Variants in CLEC2D observed in about 807,000 individuals in gnomAD.
CLEC2D encodes C-type lectin related f.
Under a neutral mutation model 20.0 loss-of-function variants are expected in CLEC2D, and 16 were observed. The observed-to-expected ratio is 0.80, with a 90% CI of 0.54 to 1.22. The LOEUF is 1.22. CLEC2D is among the 50% of genes most tolerant of loss of function. The pLI is 0.00. For missense variants in CLEC2D, 207 were observed against 221.5 expected, an observed-to-expected ratio of 0.93 and a Z score of 0.42; for synonymous variants, 77 against 71.1, an observed-to-expected ratio of 1.08 and a Z score of -0.42.
intron 1 of CLEC2D, among the ~76,000 whole-genome samples, chr12:9,671,910 A>G (rs997821266): frequency 5.3e-5 from 8 of 151,960 alleles, no homozygotes; most frequent in African/African-American, 2.4e-5. Context: ...TTTAAAGACC[A>G]TATTTTTAGA....
intron 1 of CLEC2D, among the ~76,000 whole-genome samples, chr12:9,677,610 T>C (rs747271138): frequency 1.3e-5 from 2 of 152,044 alleles, no homozygotes; most frequent in South Asian, 2.1e-4. Flanking sequence ...CAAAGTAGTC[T>C]ATAGATGTCA....
chr12:9,674,788 T>C (rs1865489721), intron 1 of CLEC2D, among the ~76,000 whole-genome samples: 1 of 152,258 alleles, frequency 6.6e-6, no homozygotes. Context: ...TTATGTCTTT[T>C]GCAGGTTGAA....
intron 1 of CLEC2D, among the ~76,000 whole-genome samples, chr12:9,677,748 A>C (rs1159161856): frequency 7.1e-6 from 1 of 141,364 alleles, no homozygotes; most frequent in Non-Finnish European, 1.5e-5. Context: ...TTTTTGAGAC[A>C]GAGTCTCGCT....
chr12:9,683,866 G>T (rs1384893965), intron 2 of CLEC2D, among the ~76,000 whole-genome samples: 2 of 148,898 alleles, frequency 1.3e-5, no homozygotes, highest in African/African-American at 4.9e-5. Flanking sequence ...GCTCTTTTTT[G>T]GTTCCATATG....
chr12:9,697,673 C>G lies in CLEC2D; in HGVS notation c.*2799C>G, dbSNP rs1160666049. The G allele has an allele frequency of 6.6e-6, 1 of 151,214 alleles. No individual in the cohort carries two copies. The highest frequency in any genetic ancestry group is 2.4e-5 in the African/African-American group (1 of 41,064). The allele number at this position is 151,214 out of a possible 1,614,324, so 9.4% of individuals were successfully genotyped here. ...ATTATATATACTAAGTGAAATAAGC[C>G]AGACACAGAAAAAAAATGTTGCATG... On this transcript the variant is annotated 3_prime_UTR_variant, in exon 5 of 5. Coordinates refer to ENST00000290855, the MANE Select transcript of CLEC2D (RefSeq NM_013269.6).
At chr12:9,694,668 A>G in intron 4 of CLEC2D, 92 bp from the exon 5 acceptor site, 3 of 748,522 alleles carry the variant, frequency 4.0e-6, no homozygotes, top group Non-Finnish European at 7.2e-6. Context: ...TAGAGGCTGA[A>G]TTAATGTTAG....
At chr12:9,693,041 A>G (rs776665801) in intron 4 of CLEC2D, 110 bp downstream of exon 4, 2 of 1,613,608 alleles carry the variant, frequency 1.2e-6, no homozygotes, top group East Asian at 2.2e-5. Flanking sequence ...AAGGTTAGTC[A>G]TGAAAGAAGA....
intron 2 of CLEC2D, among the ~76,000 whole-genome samples, chr12:9,685,563 G>A (rs1276811484): frequency 1.3e-5 from 2 of 152,244 alleles, no homozygotes; most frequent in Non-Finnish European, 2.9e-5. Context: ...TAGAGAGGCA[G>A]TCCGGCTGCA....
At chr12:9,685,445 C>T (rs982494861) in intron 2 of CLEC2D, among the ~76,000 whole-genome samples, 1 of 152,368 alleles carries the variant, frequency 6.6e-6, no homozygotes, top group Admixed American at 6.5e-5. Flanking sequence ...CCACAGCCAC[C>T]CTTTCCCCCA....
In CLEC2D at chr12:9,698,291, A is replaced by G. The variant is rs912453160; in HGVS notation, c.*3417A>G. ...AAGATCCAATACACTATTATTAACT[A>G]TAGTCACTATGCTGTGCAATAGATC... On this transcript the variant is annotated 3_prime_UTR_variant, in exon 5 of 5. Transcript: ENST00000290855. The G allele has an allele frequency of 3.9e-5, 6 of 152,194 alleles. No individual in the cohort carries two copies. Among genetic ancestry groups the G allele is most frequent in the African/African-American group, 7.2e-5 (3 of 41,454 alleles). 9.4% of individuals were successfully genotyped at this position (152,194 alleles called of 1,614,324 possible). A position where few individuals can be genotyped will look rare whatever the true frequency, so the allele number is the denominator to read the frequency against.
In CLEC2D at chr12:9,681,169, T is replaced by A. The variant is rs747027224; in HGVS notation, c.172+136T>A. On this transcript the variant is annotated intron_variant, in intron 2 of 4. Coordinates refer to ENST00000290855, the MANE Select transcript of CLEC2D (RefSeq NM_013269.6). Reference sequence around the variant, plus strand: ...TAACTGAGTTACACTCCAATAACTTTTTAAGTGGCACCAAAAATTTTAATT... The same window carrying A: ...TAACTGAGTTACACTCCAATAACTTATTAAGTGGCACCAAAAATTTTAATT... 33 of 534,996 alleles carry A rather than the reference T, an allele frequency of 6.2e-5. No homozygotes were observed. The Middle Eastern group carries it at 2.9e-3, about 47-fold the overall frequency. 33.1% of individuals were successfully genotyped at this position (534,996 alleles called of 1,614,324 possible).
At chr12:9,670,708 T>C (rs1865400853) in intron 1 of CLEC2D, among the ~76,000 whole-genome samples, 1 of 152,230 alleles carries the variant, frequency 6.6e-6, no homozygotes, top group African/African-American at 2.4e-5. Flanking sequence ...TTTTGGAGTA[T>C]ATTGATACTA....
At chr12:9,674,943 G>A (rs1446317058) in intron 1 of CLEC2D, among the ~76,000 whole-genome samples, 1 of 151,990 alleles carries the variant, frequency 6.6e-6, no homozygotes, top group Non-Finnish European at 1.5e-5. Context: ...ACAGTTTTGT[G>A]TTTTACCTTT....
intron 1 of CLEC2D, among the ~76,000 whole-genome samples, chr12:9,678,504 A>G (rs1444607415): frequency 1.3e-5 from 2 of 151,840 alleles, no homozygotes; most frequent in Non-Finnish European, 2.9e-5. Flanking sequence ...TCTGTTTTCT[A>G]TTTGTTGCCT....
In CLEC2D at chr12:9,697,928, CAAAAA is replaced by C. The variant is rs970259992; in HGVS notation, c.*3055_*3059del. The C allele has an allele frequency of 1.3e-5, 2 of 151,966 alleles. No homozygotes were observed. Among genetic ancestry groups the C allele is most frequent in the African/African-American group, 4.8e-5 (2 of 41,448 alleles). 9.4% of individuals were successfully genotyped at this position (151,966 alleles called of 1,614,324 possible). ...ATTTTAGATATTCTTACCACACAGA[CAAAAA>C]GAAATGTAAGTATGTGAGATGAAGC... On this transcript the variant is annotated 3_prime_UTR_variant, in exon 5 of 5. Transcript: ENST00000290855.
At chr12:9,681,784 A>G (rs1356682677) in intron 2 of CLEC2D, among the ~76,000 whole-genome samples, 1 of 152,230 alleles carries the variant, frequency 6.6e-6, no homozygotes. Flanking sequence ...GGAGCACTCC[A>G]TATAACACTC....
At position 9,688,017 on chromosome 12, in the gene CLEC2D, G is replaced by A; in HGVS notation, c.288G>A (p.Trp96Ter). ...ATTTTTCTGATGACACCAAGAACTG[G>A]ACATCAAGTCAGAGGTTTTGTGACT... Reference protein sequence around the residue: ...CFYFSDDTKNWTSSQRFCDSQ... With the variant: ...CFYFSDDTKN Residue 96 changes from tryptophan to a stop codon, truncating the protein, a stop_gained, in exon 3 of 5, where the codon TGG (tryptophan) becomes TGA (stop). Transcript: ENST00000290855. LOFTEE classifies it high-confidence loss of function. 1 of 1,612,728 alleles carries A rather than the reference G, an allele frequency of 6.2e-7. No individual in the cohort carries two copies. Among genetic ancestry groups the A allele is most frequent in the Non-Finnish European group, 8.5e-7 (1 of 1,179,384 alleles).
chr12:9,675,526 G>C (rs920457005), intron 1 of CLEC2D, among the ~76,000 whole-genome samples: 1 of 152,156 alleles, frequency 6.6e-6, no homozygotes, highest in Admixed American at 6.5e-5. Context: ...ATACCACACT[G>C]TCTTGATTAC....
chr12:9,669,807 G>A lies in CLEC2D; in HGVS notation c.61+12G>A. On this transcript the variant is annotated intron_variant, in intron 1 of 4. Transcript: ENST00000290855. Reference sequence around the variant, plus strand: ...GCCTGCAAACCCAGGTAAGAAGCTGGGCTCTACAGAGTAAGTGTGAGGACT... The same window carrying A: ...GCCTGCAAACCCAGGTAAGAAGCTGAGCTCTACAGAGTAAGTGTGAGGACT... 1.9e-6 allele frequency: 3 copies of A among 1,603,638 alleles called. No homozygotes were observed. Among genetic ancestry groups the A allele is most frequent in the Non-Finnish European group, 2.6e-6 (3 of 1,170,668 alleles).
Sources: allele counts gnomAD v4.1 joint callset (sites outside exome capture counted in the v4.1 genomes callset), GRCh38; gene constraint gnomAD v4.1.1; transcripts MANE v1.5; gene names NCBI Gene and HGNC (gene_info 2026-07-23, HGNC 2026-07-21).